The following ERICH6B variants were observed in gnomAD, a reference collection of about 807,000 sequenced individuals.
The protein encoded by ERICH6B is glutamate-rich protein 6B.
Under a neutral mutation model 80.0 loss-of-function variants are expected in ERICH6B, and 69 were observed. The ratio of observed to expected loss-of-function variants is 0.86; its 90% CI spans 0.71 to 1.05. The LOEUF (loss-of-function observed/expected upper bound fraction) is 1.05, where lower values mean the gene tolerates loss of function less well. ERICH6B is among the 50% of genes least tolerant of loss of function. The pLI, the probability that ERICH6B is intolerant of heterozygous loss-of-function variation, is 0.00. For synonymous variants in ERICH6B, 283 were observed against 291.9 expected, an observed-to-expected ratio of 0.97 and a Z score of 0.31; for missense variants, 754 against 796.1, an observed-to-expected ratio of 0.95 and a Z score of 0.64.
At chr13:45,568,199 C>G in intron 9 of ERICH6B, 116 bp downstream of exon 9, 1 of 1,173,166 alleles carries the variant, frequency 8.5e-7, no homozygotes, top group Non-Finnish European at 1.1e-6. Context: ...ACTCAGGGAA[C>G]CTGTCTGGTC....
At chr13:45,566,837 C>T (rs185692338) in intron 9 of ERICH6B, among the ~76,000 whole-genome samples, 1 of 152,336 alleles carries the variant, frequency 6.6e-6, no homozygotes, top group African/African-American at 2.4e-5. Context: ...AAGAGGGCCA[C>T]CGTCCTCCAG....
intron 11 of ERICH6B, among the ~76,000 whole-genome samples, chr13:45,559,424 T>C (rs1874575848): frequency 6.6e-6 from 1 of 152,058 alleles, no homozygotes; most frequent in African/African-American, 2.4e-5. Context: ...GGTTATTTCT[T>C]TTCTTCTGCT....
intron 1 of ERICH6B, among the ~76,000 whole-genome samples, chr13:45,609,795 C>T (rs115881802): frequency 2.3e-3 from 344 of 152,312 alleles, no homozygotes; most frequent in African/African-American, 7.5e-3. Flanking sequence ...GATGGGGATA[C>T]GCTCTGAGAA....
At chr13:45,555,937 A>G (rs2137969113) in intron 11 of ERICH6B, among the ~76,000 whole-genome samples, 1 of 149,006 alleles carries the variant, frequency 6.7e-6, no homozygotes, top group Admixed American at 6.7e-5. Context: ...CGTGAGGCAA[A>G]GGCCTCAGGG....
chr13:45,575,520 T>C (rs1223779533), intron 7 of ERICH6B, among the ~76,000 whole-genome samples: 1 of 152,174 alleles, frequency 6.6e-6, no homozygotes, highest in Non-Finnish European at 1.5e-5. Context: ...GGAAGGACTT[T>C]AGATTTTGTT....
chr13:45,561,883 G>T (rs899965486), intron 10 of ERICH6B, among the ~76,000 whole-genome samples: 6 of 152,174 alleles, frequency 3.9e-5, no homozygotes, highest in African/African-American at 1.4e-4. Context: ...ACAACGTAAT[G>T]AGAGGAATGC....
chr13:45,553,025 T>C (rs1874286024), intron 11 of ERICH6B: 1 of 244,706 alleles, frequency 4.1e-6, no homozygotes, highest in South Asian at 4.3e-5. Context: ...AGTTCTCTTG[T>C]TGTGAAGTCT....
intron 11 of ERICH6B, among the ~76,000 whole-genome samples, chr13:45,560,522 G>A (rs1404784821): frequency 6.6e-6 from 1 of 152,212 alleles, no homozygotes; most frequent in Non-Finnish European, 1.5e-5. Flanking sequence ...TGCACATTCT[G>A]TGGATTTGGA....
chr13:45,561,326 A>T, intron 11 of ERICH6B, 43 bp downstream of exon 11: 3 of 1,535,936 alleles, frequency 2.0e-6, no homozygotes, highest in East Asian at 2.5e-5. Context: ...GCCAAAAAAA[A>T]TCCTGTGCAA....
intron 13 of ERICH6B, 135 bp from the exon 14 acceptor site, chr13:45,545,120 C>A: frequency 1.4e-6 from 1 of 719,100 alleles, no homozygotes; most frequent in Non-Finnish European, 2.3e-6. Context: ...GGAGAAGCTC[C>A]AACATGGACA....
intron 11 of ERICH6B, among the ~76,000 whole-genome samples, chr13:45,556,315 A>G (rs1307925324): frequency 6.6e-6 from 1 of 152,174 alleles, no homozygotes; most frequent in East Asian, 1.9e-4. Context: ...TACTGAAGAC[A>G]TGAAGACTAT....
rs138391051 is a variant in ERICH6B, at chr13:45,613,969, G to T, written c.-111+1716C>A. Among the ~76,000 whole-genome samples, 345 of 152,284 alleles carry T rather than the reference G, an allele frequency of 2.3e-3. 1 individual carries two copies. The highest frequency in any genetic ancestry group is 8.0e-3 in the African/African-American group (331 of 41,542). On this transcript the variant is annotated intron_variant, in intron 1 of 14. Coordinates refer to ENST00000298738, the MANE Select transcript of ERICH6B (RefSeq NM_182542.3). ...AAGGGCTGAGGAATTTGCTGCCAGGGTCTGTCTTAGCAGGATACATCAGCC... is the reference window on the plus strand; with the variant it reads ...AAGGGCTGAGGAATTTGCTGCCAGGTTCTGTCTTAGCAGGATACATCAGCC...
intron 2 of ERICH6B, among the ~76,000 whole-genome samples, chr13:45,603,930 C>A (rs73187637): frequency 6.6e-6 from 1 of 152,324 alleles, no homozygotes; most frequent in African/African-American, 2.4e-5. Flanking sequence ...CAGCACACAG[C>A]GGGTACGATG....
intron 2 of ERICH6B, among the ~76,000 whole-genome samples, chr13:45,604,239 C>T (rs1409574794): frequency 6.6e-6 from 1 of 152,258 alleles, no homozygotes; most frequent in Non-Finnish European, 1.5e-5. Flanking sequence ...GCCCCTCTAA[C>T]CAGGACGTTA....
At chr13:45,592,625 T>C (rs897296542) in intron 3 of ERICH6B, among the ~76,000 whole-genome samples, 1 of 152,174 alleles carries the variant, frequency 6.6e-6, no homozygotes, top group Non-Finnish European at 1.5e-5. Context: ...TGAATCAAAA[T>C]CAATGTATTG....
intron 13 of ERICH6B, among the ~76,000 whole-genome samples, chr13:45,545,340 C>T (rs1237494102): frequency 6.6e-6 from 1 of 152,218 alleles, no homozygotes; most frequent in East Asian, 1.9e-4. Flanking sequence ...ACGTCACCTC[C>T]TCAGCCTGAG....
chr13:45,547,886 G>T (rs1874053407), intron 13 of ERICH6B, among the ~76,000 whole-genome samples: 1 of 152,180 alleles, frequency 6.6e-6, no homozygotes, highest in Non-Finnish European at 1.5e-5. Context: ...TAGTGTTAGA[G>T]ATCTGCTCCT....
Position 45,606,531 on chromosome 13 carries a change from ATATATATATATATATATTTTTTTTT to A in ERICH6B, c.-59+1008_-59+1032del, listed in dbSNP as rs1949864577. On this transcript the variant is annotated intron_variant, in intron 2 of 14. Transcript: ENST00000298738. Reference sequence around the variant, plus strand: ...TATATATATATATATATATATATATATATATATATATATATATTTTTTTTTTTTTTTTTTTTTTTGGAGACAGAGT... The same window carrying A: ...TATATATATATATATATATATATATATTTTTTTTTTTTTTGGAGACAGAGT... Among the ~76,000 whole-genome samples, 16 of 43,244 alleles carry A rather than the reference ATATATATATATATATATTTTTTTTT, an allele frequency of 3.7e-4. 1 individual carries two copies. Among genetic ancestry groups the A allele is most frequent in the Admixed American group, 3.0e-3 (9 of 3,026 alleles). The allele number at this position is 43,244 out of a possible 152,430, so 28.4% of individuals were successfully genotyped here.
At chr13:45,592,953 G>T (rs1404645494) in intron 3 of ERICH6B, among the ~76,000 whole-genome samples, 1 of 152,202 alleles carries the variant, frequency 6.6e-6, no homozygotes, top group Non-Finnish European at 1.5e-5. Flanking sequence ...CCTAGAGATG[G>T]TAAGTGACAT....
Sources: allele counts gnomAD v4.1 joint callset (sites outside exome capture counted in the v4.1 genomes callset), GRCh38; gene constraint gnomAD v4.1.1; transcripts MANE v1.5; gene names NCBI Gene and HGNC (gene_info 2026-07-23, HGNC 2026-07-21).